REV3L: variants seen among roughly 807,000 people sequenced by gnomAD.
REV3L encodes REV3 like, DNA directed polymerase zeta catalytic subunit.
A neutral mutation model predicts 299.4 loss-of-function variants in REV3L; 69 were observed. The ratio of observed to expected loss-of-function variants is 0.23; its 90% CI spans 0.19 to 0.28. The LOEUF is 0.28. REV3L is among the 10% of genes least tolerant of loss of function. The pLI, the probability that REV3L is intolerant of heterozygous loss-of-function variation, is 1.00. For missense variants in REV3L, 3,128 were observed against 3,693.8 expected (o/e 0.85, Z 3.97); for synonymous variants, 1,238 against 1,271.4 (o/e 0.97, Z 0.56).
intron 3 of REV3L, among the ~76,000 whole-genome samples, chr6:111,406,966 A>T (rs942855878): frequency 2.0e-5 from 3 of 152,180 alleles, no homozygotes; most frequent in African/African-American, 7.2e-5. Flanking sequence ...ATAAATAAAG[A>T]AATTATCTTA....
In REV3L at chr6:111,376,086, C is replaced by A. The variant is rs747077009; in HGVS notation, c.2269G>T (p.Val757Leu). The stretch of plus-strand genomic sequence containing the variant: ...TCAGCAGTGCTATTAAGAGAATGCA[C>A]CATAGTTCTATTCTCCCCTGAGCAT... ...LSCSGENRTM[V>L]HSLNSTADES... is the part of the protein sequence containing the mutation. The change falls in exon 13 of 32, where the codon GTG (valine) becomes TTG (leucine). Residue 757 changes from valine (V) to leucine (L), a missense_variant. Transcript: ENST00000368802. 1 of 1,613,594 alleles carries A rather than the reference C, an allele frequency of 6.2e-7. No individual in the cohort carries two copies.
Position 111,431,350 on chromosome 6 carries a change from T to C in REV3L, c.140-14878A>G, listed in dbSNP as rs2128299093. On this transcript the variant is annotated intron_variant, in intron 1 of 31. Coordinates refer to ENST00000368802, the MANE Select transcript of REV3L (RefSeq NM_001372078.1). ...TTACAGAAGTAGAGCCACCAGGATG[T>C]CTGGACTCCAATACTTCAAGACAGG... 4 of 1,015,846 alleles carry C rather than the reference T, an allele frequency of 3.9e-6. No individual in the cohort carries two copies. In the East Asian group the frequency reaches 9.5e-5, roughly 24 times the overall value. The allele number at this position is 1,015,846 out of a possible 1,614,324, so 62.9% of individuals were successfully genotyped here. A position where few individuals can be genotyped will look rare whatever the true frequency, so the allele number is the denominator to read the frequency against.
intron 25 of REV3L, among the ~76,000 whole-genome samples, chr6:111,328,213 T>C (rs1422781694): frequency 2.6e-5 from 4 of 152,250 alleles, no homozygotes; most frequent in Non-Finnish European, 4.4e-5. Flanking sequence ...TCTACTGGTA[T>C]ACTAGTAAAT....
intron 1 of REV3L, among the ~76,000 whole-genome samples, chr6:111,468,080 G>C (rs1437267116): frequency 6.6e-6 from 1 of 152,060 alleles, no homozygotes; most frequent in Non-Finnish European, 1.5e-5. Context: ...CGGTCAAAAC[G>C]ACTGATGTCA....
chr6:111,437,045 C>T (rs762955118), intron 1 of REV3L, among the ~76,000 whole-genome samples: 2 of 152,126 alleles, frequency 1.3e-5, no homozygotes, highest in Non-Finnish European at 2.9e-5. Flanking sequence ...AAATGCAAAT[C>T]GGAACCACAC....
chr6:111,370,944 G>A (rs1779740521), intron 13 of REV3L, among the ~76,000 whole-genome samples: 1 of 151,888 alleles, frequency 6.6e-6, no homozygotes, highest in African/African-American at 2.4e-5. Flanking sequence ...TTGAACAAAT[G>A]TGTAATATTC....
chr6:111,477,981 T>C (rs1044732838), intron 1 of REV3L, among the ~76,000 whole-genome samples: 2 of 152,186 alleles, frequency 1.3e-5, no homozygotes, highest in African/African-American at 2.4e-5. Flanking sequence ...TTTATGCTCA[T>C]AGATTAAAAT....
intron 20 of REV3L, 48 bp downstream of exon 20, chr6:111,349,170 T>C (rs754331285): frequency 5.2e-6 from 5 of 952,588 alleles, no homozygotes; most frequent in East Asian, 4.8e-5. Context: ...AATCATTATA[T>C]TGACCGAATA....
At chr6:111,453,564 G>A (rs1398258305) in intron 1 of REV3L, among the ~76,000 whole-genome samples, 1 of 152,124 alleles carries the variant, frequency 6.6e-6, no homozygotes, top group African/African-American at 2.4e-5. Flanking sequence ...GTCTCACAAT[G>A]CCATACTGCC....
At chr6:111,457,817 T>TA (rs771787390) in intron 1 of REV3L, among the ~76,000 whole-genome samples, 10 of 151,656 alleles carry the variant, frequency 6.6e-5, no homozygotes, top group Non-Finnish European at 1.3e-4. Context: ...TTTTCCAAAT[T>TA]AAGTAAAAGA....
chr6:111,299,292 A>C lies in REV3L; in HGVS notation c.*724T>G, dbSNP rs900512574. ...CTATACAAAACAAGCAAATGGAATA[A>C]AATTTTTTATTTTTAAAGTATTGCA... On this transcript the variant is annotated 3_prime_UTR_variant, in exon 32 of 32. Transcript: ENST00000368802. 1 of 152,632 alleles carries C rather than the reference A, an allele frequency of 6.6e-6. No homozygotes were observed. The highest frequency in any genetic ancestry group is 1.5e-5 in the Non-Finnish European group (1 of 68,032). The allele number at this position is 152,632 out of a possible 1,614,324, so 9.5% of individuals were successfully genotyped here.
Position 111,376,031 on chromosome 6 carries a change from C to T in REV3L, c.2324G>A (p.Arg775Lys). 1 of 1,613,840 alleles carries T rather than the reference C, an allele frequency of 6.2e-7. No homozygotes were observed. The highest frequency in any genetic ancestry group is 8.5e-7 in the Non-Finnish European group (1 of 1,179,894). ...TTTATGTTCTTGAAATTCTTCATAC[C>T]TAATTTTAAGTTTATTTAGTCCACT... ...DESGLNKLKI[R>K]YEEFQEHKTE... Residue 775 changes from arginine (R) to lysine (K), a missense_variant, in exon 13 of 32, where the codon AGG becomes AAG. Transcript: ENST00000368802.
Position 111,389,696 on chromosome 6 carries a change from T to C in REV3L, c.757+390A>G, listed in dbSNP as rs1044056118. On this transcript the variant is annotated intron_variant, in intron 6 of 31. Transcript: ENST00000368802. ...CTTAGTTTCCTCGTAAAGTTTTCTT[T>C]CCTACTTTTTCTATTCCATTTTGGT... is the stretch of plus-strand genomic sequence containing the variant. Among the ~76,000 whole-genome samples, 3 of 151,614 alleles carry C rather than the reference T, an allele frequency of 2.0e-5. No homozygotes were observed. In the South Asian group the frequency reaches 6.2e-4, roughly 31 times the overall value.
chr6:111,411,124 C>T (rs940205923), intron 3 of REV3L, among the ~76,000 whole-genome samples: 1 of 152,202 alleles, frequency 6.6e-6, no homozygotes, highest in Non-Finnish European at 1.5e-5. Flanking sequence ...TCACTCTGGA[C>T]TCACTCCTAC....
chr6:111,411,688 C>T (rs17539309), intron 2 of REV3L, 134 bp from the exon 3 acceptor site: 18,495 of 630,184 alleles, frequency 0.029, 392 homozygotes, highest in South Asian at 0.073. Context: ...CAAAAAACAA[C>T]TAAAAAATCC....
intron 1 of REV3L, among the ~76,000 whole-genome samples, chr6:111,436,928 A>G (rs909803476): frequency 4.6e-5 from 7 of 152,222 alleles, no homozygotes; most frequent in African/African-American, 1.7e-4. Flanking sequence ...AATAAAAAAT[A>G]CTAAATATTA....
chr6:111,318,758 C>A (rs1042450724), intron 26 of REV3L, among the ~76,000 whole-genome samples: 1 of 151,790 alleles, frequency 6.6e-6, no homozygotes, highest in Non-Finnish European at 1.5e-5. Flanking sequence ...TTAGTAGAGA[C>A]GGGGTTTCTC....
At chr6:111,330,025 T>A (rs901710177) in intron 24 of REV3L, among the ~76,000 whole-genome samples, 1 of 152,228 alleles carries the variant, frequency 6.6e-6, no homozygotes, top group Non-Finnish European at 1.5e-5. Flanking sequence ...TAAGTGACCA[T>A]ACAACAACTT....
At chr6:111,303,112 A>G (rs1332053195) in intron 31 of REV3L, among the ~76,000 whole-genome samples, 1 of 148,112 alleles carries the variant, frequency 6.8e-6, no homozygotes, top group East Asian at 2.0e-4. Flanking sequence ...ATTGTATTAC[A>G]TTCATTTGTA....
Sources: gnomAD v4.1 joint callset for allele counts (sites outside exome capture counted in the v4.1 genomes callset) on GRCh38, gnomAD v4.1.1 for gene constraint, MANE v1.5 for transcripts, NCBI Gene and HGNC (gene_info 2026-07-23, HGNC 2026-07-21) for gene names.